The following FHOD3 variants were observed in gnomAD, a reference collection of about 807,000 sequenced individuals.
FHOD3 encodes FH1/FH2 domain-containing protein 3.
Under a neutral mutation model 173.0 loss-of-function variants are expected in FHOD3, and 90 were observed. The ratio of observed to expected loss-of-function variants is 0.52; its 90% CI spans 0.44 to 0.62. FHOD3 has a LOEUF of 0.62. FHOD3 is among the 20% of genes least tolerant of loss of function. The pLI is 0.00. For synonymous variants in FHOD3, 828 were observed against 823.0 expected, an observed-to-expected ratio of 1.01 and a Z score of -0.10; for missense variants, 1,945 against 2,034.7, an observed-to-expected ratio of 0.96 and a Z score of 0.85.
intron 10 of FHOD3, among the ~76,000 whole-genome samples, chr18:36,647,066 G>A (rs1447239415): frequency 2.6e-5 from 4 of 152,024 alleles, no homozygotes; most frequent in African/African-American, 9.7e-5. Context: ...ATGAAACCCC[G>A]TCTCTACTAA....
intron 19 of FHOD3, 146 bp downstream of exon 19, chr18:36,718,861 C>T: frequency 7.3e-7 from 1 of 1,362,448 alleles, no homozygotes. Flanking sequence ...TATAGTGTTC[C>T]TTCTGCCACA....
chr18:36,717,753 T>A, intron 18 of FHOD3, 79 bp from the exon 19 acceptor site: 1 of 1,491,948 alleles, frequency 6.7e-7, no homozygotes, highest in Non-Finnish European at 8.9e-7. Flanking sequence ...TGTGTCAGGC[T>A]CACTTATTCT....
At chr18:36,508,481 A>T (rs2055430669) in intron 4 of FHOD3, among the ~76,000 whole-genome samples, 1 of 152,144 alleles carries the variant, frequency 6.6e-6, no homozygotes, top group Non-Finnish European at 1.5e-5. Context: ...ATAGTCTAGG[A>T]TTATTTCCAA....
chr18:36,679,307 T>C (rs1250940143), intron 14 of FHOD3, among the ~76,000 whole-genome samples: 3 of 152,094 alleles, frequency 2.0e-5, no homozygotes, highest in East Asian at 1.9e-4. Context: ...TCTTGAATAA[T>C]TTTGATGGAA....
At chr18:36,679,878 G>A (rs745377276) in intron 14 of FHOD3, among the ~76,000 whole-genome samples, 3 of 152,024 alleles carry the variant, frequency 2.0e-5, no homozygotes, top group Non-Finnish European at 4.4e-5. Context: ...TTATATACAT[G>A]TTAATCTATT....
At chr18:36,681,247 G>T (rs2038218599) in intron 14 of FHOD3, among the ~76,000 whole-genome samples, 189 bp from the exon 15 acceptor site, 1 of 152,114 alleles carries the variant, frequency 6.6e-6, no homozygotes, top group African/African-American at 2.4e-5. Flanking sequence ...CACACTCACA[G>T]TATGATACTT....
chr18:36,634,421 T>C (rs1249427414), intron 10 of FHOD3, among the ~76,000 whole-genome samples: 2 of 152,122 alleles, frequency 1.3e-5, no homozygotes, highest in East Asian at 3.8e-4. Context: ...CCATGCCTTG[T>C]CCACAAAACT....
intron 2 of FHOD3, among the ~76,000 whole-genome samples, chr18:36,371,134 A>G (rs1034660742): frequency 5.9e-5 from 9 of 152,194 alleles, no homozygotes; most frequent in African/African-American, 2.2e-4. Context: ...ACAAAGGAAA[A>G]TGGAGGGGCT....
intron 5 of FHOD3, among the ~76,000 whole-genome samples, chr18:36,527,784 TTATATTTGAGTGACATGGAATATC>T (rs72045167): frequency 0.32 from 47,865 of 151,836 alleles, 8,791 homozygotes; most frequent in Non-Finnish European, 0.42. Flanking sequence ...TTGGGTGGAT[TTATATTTGAGTGACATGGAATATC>T]TATATTTGAG....
chr18:36,644,999 C>T (rs73433545), intron 10 of FHOD3, among the ~76,000 whole-genome samples: 16 of 152,284 alleles, frequency 1.1e-4, no homozygotes, highest in African/African-American at 3.9e-4. Context: ...GAAGTAATAA[C>T]ACCTGCAAAC....
chr18:36,704,801 G>A (rs1243000823), intron 17 of FHOD3, among the ~76,000 whole-genome samples: 16 of 152,204 alleles, frequency 1.1e-4, no homozygotes. Flanking sequence ...AAGGGAGCCA[G>A]CAGCCCTGCG....
At chr18:36,379,801 G>T (rs2047643240) in intron 3 of FHOD3, among the ~76,000 whole-genome samples, 1 of 152,220 alleles carries the variant, frequency 6.6e-6, no homozygotes, top group Non-Finnish European at 1.5e-5. Context: ...CTAGTGACCA[G>T]CTCTGAGTGC....
chr18:36,549,902 A>G (rs1416980846), intron 5 of FHOD3, among the ~76,000 whole-genome samples: 1 of 147,636 alleles, frequency 6.8e-6, no homozygotes, highest in East Asian at 2.0e-4. Flanking sequence ...ATTTACTCCC[A>G]TTTTTTTTTC....
At chr18:36,465,431 T>C (rs1329731461) in intron 3 of FHOD3, among the ~76,000 whole-genome samples, 1 of 152,158 alleles carries the variant, frequency 6.6e-6, no homozygotes. Context: ...GGGCCTGGAC[T>C]GGCGAGGGCT....
rs1394620592 is a variant in FHOD3 at position 36,315,897 on chromosome 18, T to A, written c.165+17897T>A. ...CTCCTGCTTGGTGCGCCCTCATGAG[T>A]GCTGTGATTTGCTAGGCCCTGAAGT... On this transcript the variant is annotated intron_variant, in intron 1 of 28. Coordinates refer to ENST00000590592, the MANE Select transcript of FHOD3 (RefSeq NM_001281740.3). Among the ~76,000 whole-genome samples, 9 of 152,106 alleles carry A rather than the reference T, an allele frequency of 5.9e-5. No homozygotes were observed. The South Asian group carries it at 1.7e-3, about 28-fold the overall frequency.
At chr18:36,686,391 G>T (rs1295945008) in intron 15 of FHOD3, among the ~76,000 whole-genome samples, 2 of 150,982 alleles carry the variant, frequency 1.3e-5, no homozygotes, top group Non-Finnish European at 3.0e-5. Flanking sequence ...CTCATAAGTG[G>T]GAGCTGAACA....
chr18:36,558,105 A>G (rs1273353673), intron 5 of FHOD3, among the ~76,000 whole-genome samples: 1 of 152,082 alleles, frequency 6.6e-6, no homozygotes, highest in Non-Finnish European at 1.5e-5. Context: ...TCCTGCACTG[A>G]TTAATACTCT....
chr18:36,365,723 T>C (rs1237179969), intron 2 of FHOD3, among the ~76,000 whole-genome samples: 1 of 152,144 alleles, frequency 6.6e-6, no homozygotes, highest in Non-Finnish European at 1.5e-5. Context: ...GGAATGACTA[T>C]GGAAGAGAGA....
chr18:36,482,121 G>A (rs2053934005), intron 3 of FHOD3, among the ~76,000 whole-genome samples: 1 of 152,112 alleles, frequency 6.6e-6, no homozygotes, highest in African/African-American at 2.4e-5. Flanking sequence ...AGGAGGGGGA[G>A]GGTACTGGTT....
Sources: allele counts gnomAD v4.1 joint callset (sites outside exome capture counted in the v4.1 genomes callset), GRCh38; gene constraint gnomAD v4.1.1; transcripts MANE v1.5; gene names NCBI Gene and HGNC (gene_info 2026-07-23, HGNC 2026-07-21).